Variants in LGALS13 observed in about 807,000 individuals in gnomAD.
LGALS13 encodes the protein galectin 13.
A neutral mutation model predicts 13.2 loss-of-function variants in LGALS13; 11 were observed. The ratio of observed to expected loss-of-function variants is 0.83; its 90% CI spans 0.52 to 1.38. The LOEUF (loss-of-function observed/expected upper bound fraction) is 1.38, where lower values mean the gene tolerates loss of function less well. Ranked by LOEUF, LGALS13 falls within the 40% of genes most tolerant of loss-of-function variation. The pLI is 0.00. For missense variants in LGALS13, 183 were observed against 174.3 expected (o/e 1.05, Z -0.28); for synonymous variants, 71 against 63.7 (o/e 1.11, Z -0.54).
chr19:39,605,482 TC>T, intron 3 of LGALS13, 94 bp downstream of exon 3: 1 of 1,036,618 alleles, frequency 9.6e-7, no homozygotes, highest in Non-Finnish European at 1.5e-6. Flanking sequence ...TCCGTCAGGG[TC>T]CATCTCCCAT....
At position 39,607,449 on chromosome 19, in the gene LGALS13, T is replaced by C; in HGVS notation, c.*110T>C. The stretch of plus-strand genomic sequence containing the variant: ...CCTGCTCACATTTTCCCCTACACTT[T>C]GTCATTAAAACAGCACGAAAACTCA... On this transcript the variant is annotated 3_prime_UTR_variant, in exon 4 of 4. Transcript: ENST00000221797. The C allele has an allele frequency of 1.3e-6, 1 of 791,472 alleles. No homozygotes were observed. The highest frequency in any genetic ancestry group is 2.2e-6 in the Non-Finnish European group (1 of 450,306). The allele number at this position is 791,472 out of a possible 1,614,324, so 49.0% of individuals were successfully genotyped here.
chr19:39,602,588 G>A lies in LGALS13; in HGVS notation c.15+5G>A. 6.2e-7 allele frequency: 1 copy of A among 1,614,122 alleles called. No individual in the cohort carries two copies. The highest frequency in any genetic ancestry group is 8.5e-7 in the Non-Finnish European group (1 of 1,179,938). Reference sequence around the variant, plus strand: ...AGAACAATGTCTTCTTTACCCGTGAGTTGAAAAGGCACAGCCTTCAAAAAT... The same window carrying A: ...AGAACAATGTCTTCTTTACCCGTGAATTGAAAAGGCACAGCCTTCAAAAAT... On this transcript the variant is annotated splice_donor_5th_base_variant and intron_variant, in intron 1 of 3. Transcript: ENST00000221797.
chr19:39,606,871 A>C (rs537017137), intron 3 of LGALS13, among the ~76,000 whole-genome samples: 2 of 152,348 alleles, frequency 1.3e-5, no homozygotes, highest in African/African-American at 2.4e-5. Flanking sequence ...AACATGGTCT[A>C]GCACTAACCC....
In LGALS13 at chr19:39,607,299, C is replaced by A; in HGVS notation, c.380C>A (p.Ser127Ter). Residue 127 changes from serine to a stop codon, truncating the protein, a stop_gained, in exon 4 of 4, where the codon TCG becomes TAG. Coordinates refer to ENST00000221797, the MANE Select transcript of LGALS13 (RefSeq NM_013268.3). LOFTEE classifies it high-confidence loss of function. Reference protein sequence around the residue: ...PPSFVKMVQVSRDISLTSVCV... With the variant: ...PPSFVKMVQV ...TCATTTGTGAAGATGGTGCAAGTGT[C>A]GAGAGATATCTCCCTGACCTCAGTG... 1 of 1,613,844 alleles carries A rather than the reference C, an allele frequency of 6.2e-7. No individual in the cohort carries two copies. Among genetic ancestry groups the A allele is most frequent in the South Asian group, 1.1e-5 (1 of 91,056 alleles).
At chr19:39,602,837 G>C (rs902451320) in intron 1 of LGALS13, among the ~76,000 whole-genome samples, 1 of 152,180 alleles carries the variant, frequency 6.6e-6, no homozygotes, top group African/African-American at 2.4e-5. Context: ...CGGAGATAAT[G>C]TGACTTTAAG....
At chr19:39,603,818 T>C (rs756337569) in intron 1 of LGALS13, 7 of 470,974 alleles carry the variant, frequency 1.5e-5, no homozygotes, top group Non-Finnish European at 1.9e-5. Flanking sequence ...CATCCCTGCA[T>C]GTCAGCCTGG....
At chr19:39,603,776 C>T (rs1334481371) in intron 1 of LGALS13, 1 of 199,228 alleles carries the variant, frequency 5.0e-6, no homozygotes, top group African/African-American at 2.4e-5. Context: ...CACTGCAGCC[C>T]AGGAGTCTGA....
intron 3 of LGALS13, 131 bp from the exon 4 acceptor site, chr19:39,607,092 T>C (rs1972701989): frequency 4.0e-6 from 3 of 746,088 alleles, no homozygotes; most frequent in African/African-American, 1.7e-5. Flanking sequence ...AACATAAGTG[T>C]ATCTAATACG....
At chr19:39,604,265 C>T (rs1303365905) in intron 1 of LGALS13, among the ~76,000 whole-genome samples, 5 of 152,142 alleles carry the variant, frequency 3.3e-5, no homozygotes, top group African/African-American at 7.2e-5. Flanking sequence ...TATTAACTCC[C>T]TATTACGGAG....
At chr19:39,607,030 A>T (rs892744541) in intron 3 of LGALS13, among the ~76,000 whole-genome samples, 193 bp from the exon 4 acceptor site, 3 of 152,202 alleles carry the variant, frequency 2.0e-5, no homozygotes, top group African/African-American at 7.2e-5. Context: ...GAGTGGAAAC[A>T]TTAGAAATAA....
intron 3 of LGALS13, 145 bp from the exon 4 acceptor site, chr19:39,607,078 T>G: frequency 2.8e-6 from 2 of 713,216 alleles, no homozygotes; most frequent in Non-Finnish European, 5.2e-6. Flanking sequence ...AAACGTCATC[T>G]GTAAACATAA....
chr19:39,603,164 T>C (rs183259683), intron 1 of LGALS13, among the ~76,000 whole-genome samples: 61 of 152,276 alleles, frequency 4.0e-4, no homozygotes, highest in Admixed American at 1.6e-3. Flanking sequence ...CTGGTGGGGA[T>C]CTTGGGGATT....
At position 39,605,399 on chromosome 19, in the gene LGALS13, C is replaced by T; in HGVS notation, c.303+11C>T. 6.2e-7 allele frequency: 1 copy of T among 1,609,970 alleles called. No individual in the cohort carries two copies. Among genetic ancestry groups the T allele is most frequent in the Non-Finnish European group, 8.5e-7 (1 of 1,176,360 alleles). On this transcript the variant is annotated intron_variant, in intron 3 of 3. Transcript: ENST00000221797. ...TACAATGAGTATGAGGTGAGCATCC[C>T]AGGAGCTCCCAGCACCCAGGCTCTG...
intron 2 of LGALS13, among the ~76,000 whole-genome samples, chr19:39,604,934 G>C (rs1015896942): frequency 6.6e-6 from 1 of 152,174 alleles, no homozygotes; most frequent in African/African-American, 2.4e-5. Flanking sequence ...TAGAATTTTC[G>C]GGAATGAACA....
intron 3 of LGALS13, among the ~76,000 whole-genome samples, chr19:39,606,581 C>T (rs1972692446): frequency 1.3e-5 from 2 of 152,198 alleles, no homozygotes; most frequent in African/African-American, 4.8e-5. Flanking sequence ...TCTATAGCCT[C>T]AATATAAAGA....
At chr19:39,606,870 T>G (rs967385446) in intron 3 of LGALS13, among the ~76,000 whole-genome samples, 1 of 152,328 alleles carries the variant, frequency 6.6e-6, no homozygotes, top group African/African-American at 2.4e-5. Flanking sequence ...GAACATGGTC[T>G]AGCACTAACC....
In LGALS13 at chr19:39,604,670, C is replaced by T. The variant is rs368519185; in HGVS notation, c.84C>T (p.His28=). 1 of 1,614,206 alleles carries T rather than the reference C, an allele frequency of 6.2e-7. No homozygotes were observed. Among genetic ancestry groups the T allele is most frequent in the Non-Finnish European group, 8.5e-7 (1 of 1,180,032 alleles). The change falls in exon 2 of 4, where the codon CAC becomes CAT. Residue 28 remains histidine, a synonymous_variant. Coordinates refer to ENST00000221797, the MANE Select transcript of LGALS13 (RefSeq NM_013268.3). ...SCVIIKGTPI[H]SFINDPQLQV... ...TGATAATCAAAGGGACACCAATCCA[C>T]TCTTTTATGTGAGTACTCCATGGTC...
intron 3 of LGALS13, among the ~76,000 whole-genome samples, chr19:39,605,788 A>G (rs1972679766): frequency 6.6e-6 from 1 of 152,146 alleles, no homozygotes; most frequent in Non-Finnish European, 1.5e-5. Flanking sequence ...ATTCTACCAT[A>G]GGAAAAACAT....
chr19:39,602,630 CA>C, intron 1 of LGALS13, 47 bp downstream of exon 1: 1 of 1,592,190 alleles, frequency 6.3e-7, no homozygotes, highest in Non-Finnish European at 8.6e-7. Context: ...TCACACAAAC[CA>C]AGAAAGAAAT....
Sources: gnomAD v4.1 joint callset for allele counts (sites outside exome capture counted in the v4.1 genomes callset) on GRCh38, gnomAD v4.1.1 for gene constraint, MANE v1.5 for transcripts, NCBI Gene and HGNC (gene_info 2026-07-23, HGNC 2026-07-21) for gene names.